Variants in CACNG3 observed in about 807,000 individuals in gnomAD.
The protein encoded by CACNG3 is voltage-dependent calcium channel gamma-3 subunit.
In CACNG3, 3 loss-of-function variants were observed where a neutral mutation model predicts 28.5. The ratio of observed to expected loss-of-function variants is 0.11; its 90% CI spans 0.05 to 0.27. CACNG3 has a LOEUF of 0.27. CACNG3 is among the 10% of genes least tolerant of loss of function. The probability of loss-of-function intolerance (pLI) is 1.00; values close to 1 mark genes in which losing one functional copy is unlikely to be tolerated. For missense variants in CACNG3, 236 were observed against 414.4 expected (o/e 0.57, Z 3.74); for synonymous variants, 174 against 162.2 (o/e 1.07, Z -0.55).
chr16:24,326,941 C>T (rs193276141), intron 1 of CACNG3, among the ~76,000 whole-genome samples: 10 of 152,036 alleles, frequency 6.6e-5, no homozygotes, highest in East Asian at 1.9e-4. Context: ...TAGCTAATGA[C>T]GCTAACTGGA....
intron 1 of CACNG3, among the ~76,000 whole-genome samples, chr16:24,258,303 G>A (rs1361455038): frequency 6.6e-6 from 1 of 152,156 alleles, no homozygotes; most frequent in Non-Finnish European, 1.5e-5. Context: ...TACTACAATT[G>A]ATTCTGTTTC....
chr16:24,348,474 T>C (rs1485167505), intron 2 of CACNG3, among the ~76,000 whole-genome samples: 1 of 152,198 alleles, frequency 6.6e-6, no homozygotes, highest in Non-Finnish European at 1.5e-5. Context: ...TTTATGCTAC[T>C]TGTGGCAAAA....
At chr16:24,297,858 A>C (rs1374630885) in intron 1 of CACNG3, among the ~76,000 whole-genome samples, 1 of 151,752 alleles carries the variant, frequency 6.6e-6, no homozygotes, top group African/African-American at 2.4e-5. Context: ...ATTTTTCTGC[A>C]TTTTTTTTAG....
intron 1 of CACNG3, among the ~76,000 whole-genome samples, chr16:24,324,402 C>A (rs1899508443): frequency 6.6e-6 from 1 of 152,158 alleles, no homozygotes; most frequent in African/African-American, 2.4e-5. Flanking sequence ...ACTACTTACC[C>A]CAGCCATACA....
chr16:24,291,985 G>A (rs1332838424), intron 1 of CACNG3, among the ~76,000 whole-genome samples: 1 of 152,046 alleles, frequency 6.6e-6, no homozygotes, highest in African/African-American at 2.4e-5. Flanking sequence ...CTTTGTTTTA[G>A]GATGAGCCAG....
chr16:24,340,089 G>A (rs1176554113), intron 1 of CACNG3, among the ~76,000 whole-genome samples: 1 of 152,124 alleles, frequency 6.6e-6, no homozygotes, highest in Non-Finnish European at 1.5e-5. Context: ...GAGCAACATG[G>A]CAAGACCCCC....
At position 24,322,174 on chromosome 16, in the gene CACNG3, C is replaced by G. The variant is rs1384414735; in HGVS notation, c.212-24560C>G. 1.3e-5 allele frequency among the ~76,000 whole-genome samples: 2 copies of G among 152,158 alleles called. 1 individual carries two copies. The highest frequency in any genetic ancestry group is 4.1e-4 in the South Asian group (2 of 4,826). On this transcript the variant is annotated intron_variant, in intron 1 of 3. Transcript: ENST00000005284. ...ACTCAGACATAGCCACCCTCACCCC[C>G]ACCCTGTGCCCCGCTGATGACTCTC...
chr16:24,321,515 G>A (rs1053651034), intron 1 of CACNG3, among the ~76,000 whole-genome samples: 3 of 152,182 alleles, frequency 2.0e-5, no homozygotes, highest in African/African-American at 4.8e-5. Context: ...GATGGATTGT[G>A]TTAGTATTAC....
intron 1 of CACNG3, among the ~76,000 whole-genome samples, chr16:24,278,459 T>C (rs1898780155): frequency 6.6e-6 from 1 of 151,750 alleles, no homozygotes; most frequent in South Asian, 2.1e-4. Flanking sequence ...CTACTGAAAA[T>C]ACAAAAATTA....
chr16:24,308,487 G>A (rs1899215066), intron 1 of CACNG3, among the ~76,000 whole-genome samples: 1 of 152,104 alleles, frequency 6.6e-6, no homozygotes, highest in Non-Finnish European at 1.5e-5. Flanking sequence ...CCTTGCAGCT[G>A]GACAGTATTT....
In CACNG3 at chr16:24,305,443, C is replaced by G. The variant is rs530875508; in HGVS notation, c.212-41291C>G. On this transcript the variant is annotated intron_variant, in intron 1 of 3. Coordinates refer to ENST00000005284, the MANE Select transcript of CACNG3 (RefSeq NM_006539.4). ...GGGTGATCATAGCTCACTGCAGCCT[C>G]CAACTCCTGGGCTCAAGGGATCCTC... Among the ~76,000 whole-genome samples the G allele has an allele frequency of 4.6e-5, 7 of 151,724 alleles. No individual in the cohort carries two copies. The South Asian group carries it at 1.3e-3, about 27-fold the overall frequency.
At position 24,340,242 on chromosome 16, in the gene CACNG3, T is replaced by C. The variant is rs533702518; in HGVS notation, c.212-6492T>C. Among the ~76,000 whole-genome samples, 8 of 151,858 alleles carry C rather than the reference T, an allele frequency of 5.3e-5. No homozygotes were observed. The East Asian group carries it at 1.4e-3, about 26-fold the overall frequency. On this transcript the variant is annotated intron_variant, in intron 1 of 3. Transcript: ENST00000005284. ...TGACGAGACCCCATCTCTACAAAAATATAAAAACTAGCCTAGGTGTGGCAG... is the reference window on the plus strand; with the variant it reads ...TGACGAGACCCCATCTCTACAAAAACATAAAAACTAGCCTAGGTGTGGCAG...
intron 1 of CACNG3, among the ~76,000 whole-genome samples, chr16:24,313,283 T>C (rs1899300432): frequency 6.6e-6 from 1 of 152,186 alleles, no homozygotes; most frequent in African/African-American, 2.4e-5. Context: ...TAAATCCTAT[T>C]ATTAGCTCCA....
chr16:24,313,092 G>GAAGGAAGT (rs1899296708), intron 1 of CACNG3, among the ~76,000 whole-genome samples: 1 of 151,474 alleles, frequency 6.6e-6, no homozygotes, highest in African/African-American at 2.4e-5. Flanking sequence ...AGGAAGGAAG[G>GAAGGAAGT]AAGGAAGGAA....
chr16:24,341,572 C>T (rs1899787336), intron 1 of CACNG3, among the ~76,000 whole-genome samples: 1 of 152,172 alleles, frequency 6.6e-6, no homozygotes, highest in Admixed American at 6.5e-5. Context: ...ATTACTGCCT[C>T]AACTAATTCT....
intron 1 of CACNG3, among the ~76,000 whole-genome samples, chr16:24,299,677 A>G (rs1404242426): frequency 6.6e-6 from 1 of 152,226 alleles, no homozygotes; most frequent in Non-Finnish European, 1.5e-5. Context: ...TAAGCTGAAC[A>G]TGACTTCATA....
chr16:24,341,319 T>C (rs1393022665), intron 1 of CACNG3, among the ~76,000 whole-genome samples: 6 of 152,260 alleles, frequency 3.9e-5, no homozygotes, highest in African/African-American at 1.4e-4. Flanking sequence ...ATTTTCAGTG[T>C]GGAGTCTTCC....
At chr16:24,332,753 C>G (rs1052784397) in intron 1 of CACNG3, among the ~76,000 whole-genome samples, 10 of 151,976 alleles carry the variant, frequency 6.6e-5, no homozygotes, top group Non-Finnish European at 1.5e-4. Context: ...ATGACCGGAC[C>G]AGTTATAAAA....
intron 1 of CACNG3, among the ~76,000 whole-genome samples, chr16:24,279,864 C>A (rs1460314660): frequency 6.6e-6 from 1 of 152,126 alleles, no homozygotes; most frequent in African/African-American, 2.4e-5. Flanking sequence ...GAGGGTGAGT[C>A]TGGTTTTAAA....
Sources: allele counts gnomAD v4.1 joint callset (sites outside exome capture counted in the v4.1 genomes callset), GRCh38; gene constraint gnomAD v4.1.1; transcripts MANE v1.5; gene names NCBI Gene and HGNC (gene_info 2026-07-23, HGNC 2026-07-21).